The following PSEN1 variants were observed in gnomAD, a reference collection of about 807,000 sequenced individuals.
PSEN1 encodes presenilin-1.
Under a neutral mutation model 53.5 loss-of-function variants are expected in PSEN1, and 15 were observed. The observed-to-expected ratio is 0.28, with a 90% confidence interval of 0.19 to 0.43. PSEN1 has a LOEUF of 0.43. Ranked by LOEUF, PSEN1 falls within the 20% of genes least tolerant of loss-of-function variation. The pLI is 1.00. For missense variants in PSEN1, 387 were observed against 571.2 expected (o/e 0.68, Z 3.29); for synonymous variants, 208 against 209.8 (o/e 0.99, Z 0.08).
intron 5 of PSEN1, among the ~76,000 whole-genome samples, chr14:73,177,770 TG>T (rs1404995755): frequency 6.6e-6 from 1 of 152,192 alleles, no homozygotes. Flanking sequence ...AGTAATACAT[TG>T]TTTTGTTCTG....
intron 7 of PSEN1, among the ~76,000 whole-genome samples, chr14:73,195,704 G>C (rs1898911703): frequency 1.3e-5 from 2 of 152,056 alleles, no homozygotes; most frequent in Non-Finnish European, 2.9e-5. Context: ...CAGTCCTCCT[G>C]TCTCAGCCTC....
chr14:73,198,037 T>C lies in PSEN1; in HGVS notation c.776T>C (p.Val259Ala). The C allele has an allele frequency of 3.1e-6, 5 of 1,591,846 alleles. No individual in the cohort carries two copies. The highest frequency in any genetic ancestry group is 3.4e-6 in the Non-Finnish European group (4 of 1,160,498). Residue 259 changes from valine (V) to alanine (A), a missense_variant, in exon 8 of 12, where the codon GTG becomes GCG. Transcript: ENST00000324501. ...ILAVISVYDL[V>A]AVLCPKGPLR... ...TATGTTTTTCTTTTTCTAGATTTAG[T>C]GGCTGTTTTGTGTCCGAAAGGTCCA...
In PSEN1 at chr14:73,206,421, G is replaced by A. The variant is rs1899458340; in HGVS notation, c.904G>A (p.Asp302Asn). ...MVWLVNMAEG[D>N]PEAQRRVSKN... ...GTGGTTGGTGAATATGGCAGAAGGA[G>A]ACCCGGAAGCTCAAAGGAGAGTATC... Residue 302 changes from aspartate to asparagine, a missense_variant, in exon 9 of 12, where the codon GAC (aspartate) becomes AAC (asparagine). Around this residue, in one of 4 missense-constraint regions of PSEN1, gnomAD observed 169 missense variants for 299.7 expected, o/e 0.56. Transcript: ENST00000324501. 1 of 1,613,994 alleles carries A rather than the reference G, an allele frequency of 6.2e-7. No homozygotes were observed. Among genetic ancestry groups the A allele is most frequent in the African/African-American group, 1.3e-5 (1 of 74,932 alleles).
At chr14:73,162,315 C>T (rs1040466977) in intron 3 of PSEN1, among the ~76,000 whole-genome samples, 1 of 151,954 alleles carries the variant, frequency 6.6e-6, no homozygotes, top group African/African-American at 2.4e-5. Flanking sequence ...AATCTAAGCA[C>T]TTGCTAACAT....
rs574138476 is a variant in PSEN1 at position 73,217,546 on chromosome 14, T to A, written c.1248+302T>A. Among the ~76,000 whole-genome samples, 5 of 152,312 alleles carry A rather than the reference T, an allele frequency of 3.3e-5. No homozygotes were observed. The South Asian group carries it at 1.0e-3, about 32-fold the overall frequency. On this transcript the variant is annotated intron_variant, in intron 11 of 11. Coordinates refer to ENST00000324501, the MANE Select transcript of PSEN1 (RefSeq NM_000021.4). ...TGTTTAGGAACCGCTGCCTCAAGCC[T>A]AGCAGCACAGATATGTAGGAAATTA...
chr14:73,160,097 T>C (rs905201160), intron 3 of PSEN1: 5 of 246,006 alleles, frequency 2.0e-5, no homozygotes, highest in Admixed American at 4.1e-5. Context: ...ATACAGAGAT[T>C]ATGGGTGTGA....
chr14:73,184,775 G>A (rs1377156342), intron 5 of PSEN1, among the ~76,000 whole-genome samples: 168 of 149,854 alleles, frequency 1.1e-3, no homozygotes, highest in African/African-American at 1.7e-3. Context: ...CGGACGGGGT[G>A]GCTGCCGGGC....
chr14:73,163,826 T>C (rs991417682), intron 3 of PSEN1, among the ~76,000 whole-genome samples: 3 of 152,254 alleles, frequency 2.0e-5, no homozygotes, highest in Middle Eastern at 3.4e-3. Flanking sequence ...GACCAAACCA[T>C]TTTAGACTTC....
chr14:73,161,982 C>T (rs1356275689), intron 3 of PSEN1, among the ~76,000 whole-genome samples: 1 of 146,972 alleles, frequency 6.8e-6, no homozygotes, highest in Non-Finnish European at 1.5e-5. Flanking sequence ...TGGCGAAACC[C>T]CGTTTCCACT....
chr14:73,217,164 A>C lies in PSEN1; in HGVS notation c.1168A>C (p.Ser390Arg), dbSNP rs1899950800. ...TGGATTGGGAGATTTCATTTTCTAC[A>C]GTGTTCTGGTTGGTAAAGCCTCAGC... is the stretch of plus-strand genomic sequence containing the variant. ...KLGLGDFIFY[S>R]VLVGKASATA... Residue 390 changes from serine (S) to arginine (R), a missense_variant, in exon 11 of 12, where the codon AGT (serine) becomes CGT (arginine). Ser to Arg is a moderately radical substitution (Grantham distance 110). Coordinates refer to ENST00000324501, the MANE Select transcript of PSEN1 (RefSeq NM_000021.4). The C allele has an allele frequency of 6.2e-7, 1 of 1,613,762 alleles. No homozygotes were observed. Among genetic ancestry groups the C allele is most frequent in the African/African-American group, 1.3e-5 (1 of 74,918 alleles).
At chr14:73,153,164 C>T (rs1475900263) in intron 3 of PSEN1, among the ~76,000 whole-genome samples, 1 of 152,090 alleles carries the variant, frequency 6.6e-6, no homozygotes, top group Admixed American at 6.5e-5. Context: ...CTCTGGTTAG[C>T]CTTTGACAGT....
chr14:73,137,057 C>T (rs1896767629), intron 1 of PSEN1: 1 of 153,452 alleles, frequency 6.5e-6, no homozygotes, highest in Non-Finnish European at 1.5e-5. Context: ...ATGCTTTCTC[C>T]TTGGTCGGGA....
chr14:73,154,346 C>G (rs1897301812), intron 3 of PSEN1, among the ~76,000 whole-genome samples: 1 of 151,928 alleles, frequency 6.6e-6, no homozygotes, highest in East Asian at 1.9e-4. Flanking sequence ...GTCTGTATTC[C>G]TAGTACTTTG....
intron 3 of PSEN1, among the ~76,000 whole-genome samples, chr14:73,165,073 C>T (rs1897668534): frequency 6.6e-6 from 1 of 152,064 alleles, no homozygotes. Flanking sequence ...TCGCCTGCCT[C>T]AGCCTCCCAA....
chr14:73,191,446 A>G (rs1410489715), intron 6 of PSEN1, among the ~76,000 whole-genome samples: 1 of 152,218 alleles, frequency 6.6e-6, no homozygotes, highest in Admixed American at 6.6e-5. Flanking sequence ...AAGGTGAAAG[A>G]AAGCACACCT....
At chr14:73,190,488 A>T (rs1287203232) in intron 6 of PSEN1, among the ~76,000 whole-genome samples, 73 of 144,728 alleles carry the variant, frequency 5.0e-4, no homozygotes, top group African/African-American at 1.7e-3. Flanking sequence ...CTCTATTTAA[A>T]AAAAAAAAAA....
intron 6 of PSEN1, among the ~76,000 whole-genome samples, chr14:73,187,163 T>G (rs1383549883): frequency 6.6e-6 from 1 of 152,232 alleles, no homozygotes; most frequent in Non-Finnish European, 1.5e-5. Context: ...CTAAGCCTTT[T>G]TGAAGATTAT....
At chr14:73,178,575 A>G (rs531725305) in intron 5 of PSEN1, among the ~76,000 whole-genome samples, 2 of 151,994 alleles carry the variant, frequency 1.3e-5, no homozygotes, top group Non-Finnish European at 2.9e-5. Flanking sequence ...TTTTTTCACT[A>G]TTGTTCTGGT....
chr14:73,179,120 A>G (rs1898128805), intron 5 of PSEN1, among the ~76,000 whole-genome samples: 2 of 152,184 alleles, frequency 1.3e-5, no homozygotes, highest in Admixed American at 1.3e-4. Flanking sequence ...TGCAGCCAAA[A>G]GTGGACTTTA....
Sources: allele counts gnomAD v4.1 joint callset (sites outside exome capture counted in the v4.1 genomes callset), GRCh38; gene constraint gnomAD v4.1.1; regional missense constraint gnomAD v4.1.1; transcripts MANE v1.5; gene names NCBI Gene and HGNC (gene_info 2026-07-23, HGNC 2026-07-21).